The following ARMH3 variants were observed in gnomAD, a reference collection of about 807,000 sequenced individuals.
ARMH3 encodes the protein armadillo like helical domain containing 3.
In ARMH3, 60 loss-of-function variants were observed where a neutral mutation model predicts 99.1. The observed-to-expected ratio is 0.61, with a 90% CI of 0.49 to 0.75. ARMH3 has a LOEUF of 0.75. Among genes scored for constraint, ARMH3 ranks in the 30% least tolerant of loss-of-function variants. The pLI is 0.00. For synonymous variants in ARMH3, 285 were observed against 292.8 expected (o/e 0.97, Z 0.27); for missense variants, 679 against 843.1 (o/e 0.81, Z 2.41).
intron 20 of ARMH3, among the ~76,000 whole-genome samples, chr10:101,972,415 T>C (rs1029488349): frequency 5.3e-5 from 8 of 152,218 alleles, no homozygotes; most frequent in African/African-American, 1.7e-4. Flanking sequence ...TAACATTTCA[T>C]TACAGTTTGC....
At chr10:102,041,651 TA>T (rs1469501321) in intron 1 of ARMH3, among the ~76,000 whole-genome samples, 1 of 151,940 alleles carries the variant, frequency 6.6e-6, no homozygotes, top group Non-Finnish European at 1.5e-5. Flanking sequence ...ATTTTATTTT[TA>T]GACTTTTTTT....
intron 22 of ARMH3, among the ~76,000 whole-genome samples, chr10:101,940,965 C>T (rs1407893606): frequency 6.6e-6 from 1 of 152,164 alleles, no homozygotes; most frequent in African/African-American, 2.4e-5. Flanking sequence ...TAATGAATGG[C>T]TAATTAATAA....
At chr10:101,978,837 A>G (rs1229353049) in intron 19 of ARMH3, among the ~76,000 whole-genome samples, 1 of 152,094 alleles carries the variant, frequency 6.6e-6, no homozygotes, top group Non-Finnish European at 1.5e-5. Flanking sequence ...GCTACTCAGG[A>G]GGCTGAGGCA....
chr10:102,039,738 A>G (rs2067363130), intron 2 of ARMH3, among the ~76,000 whole-genome samples: 1 of 152,196 alleles, frequency 6.6e-6, no homozygotes, highest in Admixed American at 6.5e-5. Flanking sequence ...ATATTCAGAA[A>G]AGGAGCTTCC....
intron 23 of ARMH3, among the ~76,000 whole-genome samples, chr10:101,897,567 C>G (rs1407521497): frequency 6.6e-6 from 1 of 151,798 alleles, no homozygotes; most frequent in East Asian, 1.9e-4. Flanking sequence ...CTAATACCTT[C>G]TAAAAGTAAG....
chr10:101,912,386 T>C (rs1842904370), intron 23 of ARMH3, among the ~76,000 whole-genome samples: 1 of 93,672 alleles, frequency 1.1e-5, no homozygotes, highest in Admixed American at 1.1e-4. Context: ...AGTGAGACTC[T>C]GTCTCAAAAA....
At chr10:101,930,178 G>A (rs999267549) in intron 23 of ARMH3, among the ~76,000 whole-genome samples, 6 of 152,030 alleles carry the variant, frequency 3.9e-5, no homozygotes, top group Admixed American at 3.3e-4. Flanking sequence ...ATCAATTAAT[G>A]TAGTACGTTT....
At chr10:101,853,453 C>G (rs2066655187) in intron 24 of ARMH3, among the ~76,000 whole-genome samples, 1 of 152,206 alleles carries the variant, frequency 6.6e-6, no homozygotes, top group African/African-American at 2.4e-5. Context: ...CAGCACTGGC[C>G]TGGGACATGG....
intron 19 of ARMH3, among the ~76,000 whole-genome samples, chr10:101,981,381 T>C (rs1846227231): frequency 6.6e-6 from 1 of 151,878 alleles, no homozygotes; most frequent in African/African-American, 2.4e-5. Context: ...CCTAGCACTT[T>C]GGGAGGCTGA....
intron 19 of ARMH3, among the ~76,000 whole-genome samples, chr10:101,983,257 T>C (rs1000765864): frequency 2.6e-5 from 4 of 152,190 alleles, no homozygotes; most frequent in Admixed American, 1.3e-4. Context: ...GTTAAGTTGA[T>C]TACCAATGGC....
intron 15 of ARMH3, among the ~76,000 whole-genome samples, chr10:102,000,675 T>A: frequency 6.8e-6 from 1 of 147,946 alleles, no homozygotes; most frequent in Non-Finnish European, 1.5e-5. Context: ...GAGCCTGAGG[T>A]GGGAGAATCA....
At chr10:101,883,512 C>G (rs1470146810) in intron 24 of ARMH3, among the ~76,000 whole-genome samples, 5 of 152,098 alleles carry the variant, frequency 3.3e-5, no homozygotes, top group Non-Finnish European at 1.5e-5. Flanking sequence ...GAGAGCTCTT[C>G]CATTTCAGCA....
At chr10:101,951,907 G>A (rs969354178) in intron 22 of ARMH3, among the ~76,000 whole-genome samples, 53 of 149,596 alleles carry the variant, frequency 3.5e-4, no homozygotes, top group African/African-American at 1.1e-3. Context: ...AAGGAAGGGA[G>A]GGAGGGAAGG....
chr10:102,014,021 C>T lies in ARMH3; in HGVS notation c.673G>A (p.Val225Met). The T allele has an allele frequency of 6.2e-7, 1 of 1,609,936 alleles. No individual in the cohort carries two copies. Among genetic ancestry groups the T allele is most frequent in the Non-Finnish European group, 8.5e-7 (1 of 1,177,680 alleles). ...LLVNYRKYESVNPYIVKLSIV... is the reference protein window; with the variant it reads ...LLVNYRKYESMNPYIVKLSIV... Reference sequence around the variant, plus strand: ...GACAGCTTCACAATATAAGGATTCACAGACTGTTAAATAAGAGAAGAGACT... The same window carrying T: ...GACAGCTTCACAATATAAGGATTCATAGACTGTTAAATAAGAGAAGAGACT... Residue 225 changes from valine (V) to methionine (M), a missense_variant, in exon 9 of 26, where the codon GTG becomes ATG. Val to Met is a conservative substitution (Grantham distance 21, BLOSUM62 1). Coordinates refer to ENST00000370033, the MANE Select transcript of ARMH3 (RefSeq NM_024541.3).
At chr10:101,876,035 T>C (rs890091214) in intron 24 of ARMH3, among the ~76,000 whole-genome samples, 1 of 151,948 alleles carries the variant, frequency 6.6e-6, no homozygotes, top group Non-Finnish European at 1.5e-5. Flanking sequence ...GATCACAAGG[T>C]CAGGAGATTG....
At chr10:102,011,689 T>G (rs1269906510) in intron 11 of ARMH3, 34 bp downstream of exon 11, 1 of 1,567,778 alleles carries the variant, frequency 6.4e-7, no homozygotes, top group Non-Finnish European at 8.7e-7. Flanking sequence ...CTGTTTCTGT[T>G]TTTTTCAGGA....
At chr10:101,880,405 A>G (rs2067382476) in intron 24 of ARMH3, among the ~76,000 whole-genome samples, 1 of 152,124 alleles carries the variant, frequency 6.6e-6, no homozygotes, top group Non-Finnish European at 1.5e-5. Flanking sequence ...TCCCATGGGG[A>G]AAGTGGGTCA....
chr10:102,053,425 G>A (rs1321851903), intron 1 of ARMH3, among the ~76,000 whole-genome samples: 1 of 151,920 alleles, frequency 6.6e-6, no homozygotes, highest in Non-Finnish European at 1.5e-5. Flanking sequence ...TTCAGAGATG[G>A]GGTCTCGCCA....
intron 2 of ARMH3, among the ~76,000 whole-genome samples, chr10:102,034,748 A>T (rs2067209743): frequency 6.6e-6 from 1 of 151,812 alleles, no homozygotes; most frequent in Non-Finnish European, 1.5e-5. Flanking sequence ...TTTTAAAACT[A>T]CTACCAGGAG....
Sources: gnomAD v4.1 joint callset for allele counts (sites outside exome capture counted in the v4.1 genomes callset) on GRCh38, gnomAD v4.1.1 for gene constraint, MANE v1.5 for transcripts, NCBI Gene and HGNC (gene_info 2026-07-23, HGNC 2026-07-21) for gene names.